The following KAZN variants were observed in gnomAD, a reference collection of about 807,000 sequenced individuals.
KAZN encodes kazrin, periplakin interacting protein.
KAZN carries 40 observed loss-of-function variants against 87.4 expected under a neutral mutation model. The observed-to-expected ratio is 0.46, with a 90% CI of 0.36 to 0.60. KAZN has a LOEUF of 0.60. Among genes scored for constraint, KAZN ranks in the 20% least tolerant of loss-of-function variants. The pLI is 0.00. For missense variants in KAZN, 898 were observed against 1,073.9 expected (o/e 0.84, Z 2.29); for synonymous variants, 466 against 458.3 (o/e 1.02, Z -0.22).
intron 1 of KAZN, among the ~76,000 whole-genome samples, chr1:14,730,711 T>G (rs1643639850): frequency 6.6e-6 from 1 of 152,150 alleles, no homozygotes; most frequent in South Asian, 2.1e-4. Context: ...GGTGCCTACA[T>G]TTTCCCATGC....
Position 14,954,730 on chromosome 1 carries a change from GC to G in KAZN, c.227-5953del, listed in dbSNP as rs1382825062. ...CCAGCACTTTGGGAGACTGAGGCGG[GC>G]AGATCATAAGGTCAGGAGATTGAGA... On this transcript the variant is annotated intron_variant, in intron 1 of 14. Transcript: ENST00000376030. Among the ~76,000 whole-genome samples, 17 of 152,296 alleles carry G rather than the reference GC, an allele frequency of 1.1e-4. 1 individual carries two copies. Among genetic ancestry groups the G allele is most frequent in the African/African-American group, 4.1e-4 (17 of 41,558 alleles).
chr1:14,812,760 T>C (rs568476455), intron 1 of KAZN, among the ~76,000 whole-genome samples: 13 of 152,168 alleles, frequency 8.5e-5, no homozygotes, highest in Non-Finnish European at 1.9e-4. Context: ...GGGATCCTCC[T>C]GCCTCAGCTT....
Position 14,706,539 on chromosome 1 carries a change from G to A in KAZN, c.226+107316G>A, listed in dbSNP as rs367571872. Reference sequence around the variant, plus strand: ...AGATGATGGATATGCTAATTACTCTGATCTGATCACTATACATTATATGTA... The same window carrying A: ...AGATGATGGATATGCTAATTACTCTAATCTGATCACTATACATTATATGTA... On this transcript the variant is annotated intron_variant, in intron 1 of 14. Transcript: ENST00000376030. 5.9e-5 allele frequency among the ~76,000 whole-genome samples: 9 copies of A among 152,114 alleles called. No homozygotes were observed. The East Asian group carries it at 1.7e-3, about 29-fold the overall frequency.
At chr1:14,236,720 C>A (rs1648459431) in intron 2 of KAZN, among the ~76,000 whole-genome samples, 1 of 152,084 alleles carries the variant, frequency 6.6e-6, no homozygotes, top group Admixed American at 6.5e-5. Flanking sequence ...GAGTTTGAGA[C>A]CAGCCTGGGC....
At chr1:14,536,654 G>C (rs1001722562) in intron 2 of KAZN, among the ~76,000 whole-genome samples, 1 of 152,172 alleles carries the variant, frequency 6.6e-6, no homozygotes, top group Non-Finnish European at 1.5e-5. Context: ...GGCTGAGGTG[G>C]GTGGACAACC....
intron 8 of KAZN, among the ~76,000 whole-genome samples, chr1:15,086,287 TAA>T (rs1400116862): frequency 2.6e-5 from 4 of 152,144 alleles, no homozygotes; most frequent in African/African-American, 7.2e-5. Flanking sequence ...GAGAAAATTT[TAA>T]AAGTAGCTAA....
chr1:14,442,229 T>C (rs1666745123), intron 2 of KAZN, among the ~76,000 whole-genome samples: 1 of 152,208 alleles, frequency 6.6e-6, no homozygotes, highest in Admixed American at 6.5e-5. Flanking sequence ...AAAGAGAAGA[T>C]TGGATATGAT....
intron 2 of KAZN, among the ~76,000 whole-genome samples, chr1:14,529,486 C>A (rs781209353): frequency 6.6e-6 from 1 of 152,168 alleles, no homozygotes; most frequent in African/African-American, 2.4e-5. Flanking sequence ...CAGTAAATAA[C>A]GATCTTGGAA....
intron 1 of KAZN, among the ~76,000 whole-genome samples, chr1:14,604,106 C>T (rs1677179137): frequency 6.6e-6 from 1 of 152,144 alleles, no homozygotes; most frequent in African/African-American, 2.4e-5. Context: ...GCCTGCTGAG[C>T]CCAGAGAATG....
At chr1:14,703,616 G>A (rs1416769013) in intron 1 of KAZN, among the ~76,000 whole-genome samples, 2 of 152,142 alleles carry the variant, frequency 1.3e-5, no homozygotes, top group African/African-American at 2.4e-5. Context: ...CATGAGAATG[G>A]ACTAATACAC....
intron 1 of KAZN, among the ~76,000 whole-genome samples, chr1:14,646,015 G>T (rs1452744654): frequency 1.3e-5 from 2 of 152,082 alleles, no homozygotes; most frequent in African/African-American, 4.8e-5. Context: ...CACATAGTCT[G>T]TGGTTCCATG....
intron 2 of KAZN, among the ~76,000 whole-genome samples, chr1:14,557,319 C>T (rs1196795682): frequency 1.3e-5 from 2 of 152,072 alleles, no homozygotes; most frequent in Non-Finnish European, 2.9e-5. Context: ...TTTTAAAAGA[C>T]TCCTTTGTGT....
Position 13,918,392 on chromosome 1 carries a change from A to T in KAZN, c.91+24636A>T, listed in dbSNP as rs145578323. On this transcript the variant is annotated intron_variant, in intron 1 of 16. Transcript: ENST00000636203. ...GCAAAAGAACTAGGATTAAAAGTGG[A>T]GTCAGATTATGTTGAGTTATTGCAG... Among the ~76,000 whole-genome samples, 440 of 152,342 alleles carry T rather than the reference A, an allele frequency of 2.9e-3. 5 individuals carry two copies. In the Middle Eastern group the frequency reaches 0.034, roughly 12 times the overall value.
Position 14,949,188 on chromosome 1 carries a change from T to TAAG in KAZN, c.227-11495_227-11493dup, listed in dbSNP as rs1553161528. 1.3e-5 allele frequency among the ~76,000 whole-genome samples: 2 copies of TAAG among 148,762 alleles called. No individual in the cohort carries two copies. The highest frequency in any genetic ancestry group is 5.0e-5 in the African/African-American group (2 of 40,284). On this transcript the variant is annotated intron_variant, in intron 1 of 14. Transcript: ENST00000376030. This position sits in a 1 kb window ranked among gnomAD's most constrained non-coding sequence, Gnocchi z 4.3. ...ATAATAATAATAATAATAATAATAA[T>TAAG]AAGTAATTTGTCTGTGGTTTTACAT...
At chr1:14,265,673 A>G (rs1338638940) in intron 2 of KAZN, among the ~76,000 whole-genome samples, 2 of 152,198 alleles carry the variant, frequency 1.3e-5, no homozygotes, top group African/African-American at 2.4e-5. Flanking sequence ...TTTATTTCAC[A>G]TGCCCCCACA....
At chr1:14,005,882 T>G (rs549257119) in intron 1 of KAZN, among the ~76,000 whole-genome samples, 21 of 152,190 alleles carry the variant, frequency 1.4e-4, no homozygotes, top group Admixed American at 3.3e-4. Context: ...AGATCCTGGA[T>G]GAGCAAACAA....
intron 2 of KAZN, among the ~76,000 whole-genome samples, chr1:14,975,135 GA>G (rs1037031451): frequency 3.4e-4 from 51 of 152,216 alleles, no homozygotes; most frequent in African/African-American, 1.1e-3. Context: ...AGTCCTCGAA[GA>G]CAGGCAGACT....
chr1:14,837,928 G>A (rs1434307344), intron 1 of KAZN, among the ~76,000 whole-genome samples: 1 of 152,088 alleles, frequency 6.6e-6, no homozygotes, highest in Non-Finnish European at 1.5e-5. Context: ...GCTATATTTG[G>A]GGTGGTGGAG....
chr1:14,325,739 C>T (rs936178498), intron 2 of KAZN, among the ~76,000 whole-genome samples: 5 of 152,176 alleles, frequency 3.3e-5, no homozygotes, highest in African/African-American at 7.2e-5. Flanking sequence ...TTTGAGAATC[C>T]AAGAGAAATA....
Sources: gnomAD v4.1 joint callset for allele counts (sites outside exome capture counted in the v4.1 genomes callset) on GRCh38, gnomAD v4.1.1 for gene constraint, Gnocchi (gnomAD v3.1) non-coding constraint, MANE v1.5 for transcripts, NCBI Gene and HGNC (gene_info 2026-07-23, HGNC 2026-07-21) for gene names.